CTNNA3: variants seen among roughly 807,000 people sequenced by gnomAD.
CTNNA3 encodes the protein catenin alpha 3, also known as catenin alpha-3.
CTNNA3 carries 76 observed loss-of-function variants against 95.7 expected under a neutral mutation model. The observed-to-expected ratio is 0.79, with a 90% CI of 0.66 to 0.96. The LOEUF (loss-of-function observed/expected upper bound fraction) is 0.96. Ranked by LOEUF, CTNNA3 falls within the 40% of genes least tolerant of loss-of-function variation. The pLI, the probability that CTNNA3 is intolerant of heterozygous loss-of-function variation, is 0.00. For synonymous variants in CTNNA3, 431 were observed against 374.4 expected, an observed-to-expected ratio of 1.15 and a Z score of -1.74; for missense variants, 1,191 against 1,089.8, an observed-to-expected ratio of 1.09 and a Z score of -1.31.
intron 6 of CTNNA3, among the ~76,000 whole-genome samples, chr10:67,182,369 G>C (rs1014097416): frequency 4.7e-4 from 71 of 152,116 alleles, no homozygotes; most frequent in African/African-American, 1.6e-3. Flanking sequence ...CAGAACAGAG[G>C]CCTCAGAAAT....
chr10:66,964,994 G>C (rs1668341386), intron 7 of CTNNA3, among the ~76,000 whole-genome samples: 1 of 152,214 alleles, frequency 6.6e-6, no homozygotes, highest in Non-Finnish European at 1.5e-5. Context: ...GATGAATTCT[G>C]CAATAAGATT....
intron 5 of CTNNA3, among the ~76,000 whole-genome samples, chr10:67,228,987 G>A (rs143722565): frequency 0.01 from 1,550 of 152,162 alleles, 16 homozygotes; most frequent in African/African-American, 0.024. Context: ...CATCACCCTA[G>A]CACCAGAACC....
intron 5 of CTNNA3, among the ~76,000 whole-genome samples, chr10:67,514,717 G>GTT (rs1589379348): frequency 1.5e-5 from 2 of 129,642 alleles, no homozygotes; most frequent in African/African-American, 7.0e-5. Context: ...TTTTGTTTTT[G>GTT]TTGTTTTTTT....
At chr10:66,704,145 C>T (rs558976571) in intron 9 of CTNNA3, among the ~76,000 whole-genome samples, 10 of 152,106 alleles carry the variant, frequency 6.6e-5, no homozygotes, top group Admixed American at 2.0e-4. Context: ...TAGCTGTATA[C>T]GGTGTTTTTC....
chr10:66,539,545 A>C lies in CTNNA3; in HGVS notation c.1375-18772T>G, dbSNP rs1294198041. Among the ~76,000 whole-genome samples the C allele has an allele frequency of 2.6e-5, 4 of 152,130 alleles. No homozygotes were observed. The South Asian group carries it at 6.2e-4, about 24-fold the overall frequency. On this transcript the variant is annotated intron_variant, in intron 10 of 17. Coordinates refer to ENST00000433211, the MANE Select transcript of CTNNA3 (RefSeq NM_013266.4). ...TTGTAGCCCTGAAGTTACAATTGGC[A>C]TTCCCTTGTTTATATGAGAGGCCAG...
At chr10:66,851,946 T>A (rs943748778) in intron 7 of CTNNA3, among the ~76,000 whole-genome samples, 6 of 152,082 alleles carry the variant, frequency 3.9e-5, no homozygotes, top group Non-Finnish European at 7.3e-5. Context: ...CCATGCTTGA[T>A]CAACTGGGCA....
chr10:66,223,677 G>A (rs968689004), intron 13 of CTNNA3, among the ~76,000 whole-genome samples: 1 of 152,126 alleles, frequency 6.6e-6, no homozygotes, highest in Non-Finnish European at 1.5e-5. Context: ...TATTGGCTTG[G>A]TATACATGCC....
At chr10:66,700,083 T>C (rs1265905816) in intron 9 of CTNNA3, among the ~76,000 whole-genome samples, 1 of 152,322 alleles carries the variant, frequency 6.6e-6, no homozygotes, top group African/African-American at 2.4e-5. Context: ...AAACATTTTT[T>C]CCAACCTATA....
intron 12 of CTNNA3, among the ~76,000 whole-genome samples, chr10:66,289,203 T>G (rs2091638800): frequency 6.6e-6 from 1 of 151,628 alleles, no homozygotes; most frequent in Non-Finnish European, 1.5e-5. Flanking sequence ...GGATTCAATC[T>G]CATTGATAGT....
intron 13 of CTNNA3, among the ~76,000 whole-genome samples, chr10:66,115,760 A>C (rs1299766878): frequency 1.3e-5 from 2 of 152,150 alleles, no homozygotes; most frequent in African/African-American, 2.4e-5. Context: ...GTAATAAAGC[A>C]AAAAACTGCC....
At chr10:65,930,083 C>T (rs1262531515) in intron 17 of CTNNA3, among the ~76,000 whole-genome samples, 1 of 150,728 alleles carries the variant, frequency 6.6e-6, no homozygotes, top group Non-Finnish European at 1.5e-5. Flanking sequence ...CATGTGCACA[C>T]ACCTGTACTT....
rs181024267 is a variant in CTNNA3, at chr10:66,400,226, T to C, written c.1532-20874A>G. On this transcript the variant is annotated intron_variant, in intron 11 of 17. Coordinates refer to ENST00000433211, the MANE Select transcript of CTNNA3 (RefSeq NM_013266.4). Reference sequence around the variant, plus strand: ...AATACAAATAAACCAACCATAAGGTTCAAGAGAATTACCATTAATATCCTA... The same window carrying C: ...AATACAAATAAACCAACCATAAGGTCCAAGAGAATTACCATTAATATCCTA... Among the ~76,000 whole-genome samples, 240 of 152,108 alleles carry C rather than the reference T, an allele frequency of 1.6e-3. 1 individual carries two copies. The highest frequency in any genetic ancestry group is 5.6e-3 in the African/African-American group (234 of 41,544).
At chr10:66,872,045 C>T (rs1318227275) in intron 7 of CTNNA3, among the ~76,000 whole-genome samples, 4 of 152,096 alleles carry the variant, frequency 2.6e-5, no homozygotes, top group Non-Finnish European at 4.4e-5. Flanking sequence ...ATTTTATAGC[C>T]CAATGAAAAT....
chr10:66,305,369 T>A (rs2091917983), intron 12 of CTNNA3, among the ~76,000 whole-genome samples: 1 of 152,222 alleles, frequency 6.6e-6, no homozygotes, highest in South Asian at 2.1e-4. Flanking sequence ...ATCCAACACA[T>A]AGGGACACAT....
chr10:66,776,000 A>G (rs758045575), intron 7 of CTNNA3, among the ~76,000 whole-genome samples: 1 of 152,208 alleles, frequency 6.6e-6, no homozygotes, highest in Non-Finnish European at 1.5e-5. Context: ...ACAATTTGCA[A>G]AAGTTGACCA....
At chr10:67,231,508 A>T (rs1865208819) in intron 5 of CTNNA3, among the ~76,000 whole-genome samples, 1 of 152,204 alleles carries the variant, frequency 6.6e-6, no homozygotes, top group African/African-American at 2.4e-5. Flanking sequence ...GGACATCCAC[A>T]CCAAAAACCC....
At chr10:65,973,873 A>G (rs1204658684) in intron 16 of CTNNA3, among the ~76,000 whole-genome samples, 1 of 152,148 alleles carries the variant, frequency 6.6e-6, no homozygotes, top group South Asian at 2.1e-4. Flanking sequence ...CCCACCTCCA[A>G]CATTGGGGAT....
chr10:67,754,470 A>T (rs1282178561), intron 1 of CTNNA3, among the ~76,000 whole-genome samples: 1 of 152,154 alleles, frequency 6.6e-6, no homozygotes, highest in South Asian at 2.1e-4. Flanking sequence ...AATAAAATAA[A>T]ATTTAAAAAA....
Position 67,727,672 on chromosome 10 carries a change from A to G in CTNNA3, c.-2+35762T>C, listed in dbSNP as rs904378178. Among the ~76,000 whole-genome samples, 546 of 127,758 alleles carry G rather than the reference A, an allele frequency of 4.3e-3. 1 individual carries two copies. Among genetic ancestry groups the G allele is most frequent in the Non-Finnish European group, 6.0e-3 (382 of 64,166 alleles). The allele number at this position is 127,758 out of a possible 152,430, so 83.8% of individuals were successfully genotyped here. Reference sequence around the variant, plus strand: ...TATATTATATATGATATATAATATAATATATAAATATATAATATATAATAG... The same window carrying G: ...TATATTATATATGATATATAATATAGTATATAAATATATAATATATAATAG... On this transcript the variant is annotated intron_variant, in intron 1 of 17. Coordinates refer to the CTNNA3 transcript ENST00000684154.
Sources: gnomAD v4.1 joint callset for allele counts (sites outside exome capture counted in the v4.1 genomes callset) on GRCh38, gnomAD v4.1.1 for gene constraint, MANE v1.5 for transcripts, NCBI Gene and HGNC (gene_info 2026-07-23, HGNC 2026-07-21) for gene names.